The following C2orf74 variants were observed in gnomAD, a reference collection of about 807,000 sequenced individuals.
The protein encoded by C2orf74 is uncharacterized protein C2orf74.
A neutral mutation model predicts 17.9 loss-of-function variants in C2orf74; 14 were observed. That is an observed-to-expected ratio of 0.78 (90% CI 0.52 to 1.22). The LOEUF (loss-of-function observed/expected upper bound fraction) is 1.22. Ranked by LOEUF, C2orf74 falls within the 50% of genes most tolerant of loss-of-function variation. The pLI, the probability that C2orf74 is intolerant of heterozygous loss-of-function variation, is 0.00. For missense variants in C2orf74, 217 were observed against 218.4 expected (o/e 0.99, Z 0.04); for synonymous variants, 79 against 72.6 (o/e 1.09, Z -0.44).
chr2:61,158,135 C>G (rs918996008), upstream of C2orf74: 5 of 386,276 alleles, frequency 1.3e-5, no homozygotes, highest in Non-Finnish European at 2.1e-5. Flanking sequence ...GCTCCCCCAT[C>G]TTCTGGATAG....
chr2:61,152,400 G>C (rs1203270187), intron 1 of C2orf74, among the ~76,000 whole-genome samples: 1 of 151,824 alleles, frequency 6.6e-6, no homozygotes, highest in African/African-American at 2.4e-5. Context: ...AATTAGCCAG[G>C]CGTGGTGGTG....
rs567071866 is a variant in C2orf74, at chr2:61,157,166, G to A, written c.-121-5676G>A. 1.4e-4 allele frequency among the ~76,000 whole-genome samples: 22 copies of A among 152,132 alleles called. 1 individual carries two copies. The South Asian group carries it at 2.3e-3, about 16-fold the overall frequency. ...AGCGAGTCTCCTGCCTCAGCCTCCCGAGTAGCTAGGTTTACAGGCCCACGC... is the reference window on the plus strand; with the variant it reads ...AGCGAGTCTCCTGCCTCAGCCTCCCAAGTAGCTAGGTTTACAGGCCCACGC... On this transcript the variant is annotated intron_variant, in intron 1 of 3. Transcript: ENST00000426997.
At chr2:61,154,774 G>C (rs1245579240) in intron 1 of C2orf74, among the ~76,000 whole-genome samples, 1 of 152,178 alleles carries the variant, frequency 6.6e-6, no homozygotes, top group Non-Finnish European at 1.5e-5. Context: ...AACAGAAAAG[G>C]CTGGGCTAGG....
chr2:61,146,372 C>A lies in C2orf74; in HGVS notation c.-122+1176C>A, dbSNP rs566640975. Among the ~76,000 whole-genome samples the A allele has an allele frequency of 5.9e-5, 9 of 152,246 alleles. No homozygotes were observed. In the South Asian group the frequency reaches 1.9e-3, roughly 32 times the overall value. ...TCCACATAAATTCTGGCAATATACT[C>A]AAGAAACTAATAGTCATGGTTTCTT... On this transcript the variant is annotated intron_variant, in intron 1 of 3. Coordinates refer to the C2orf74 transcript ENST00000426997.
chr2:61,164,500 T>C lies in C2orf74; in HGVS notation c.537T>C (p.Tyr179=), dbSNP rs1338853082. 1.3e-6 allele frequency: 2 copies of C among 1,542,988 alleles called. No individual in the cohort carries two copies. Among genetic ancestry groups the C allele is most frequent in the African/African-American group, 2.8e-5 (2 of 72,634 alleles). Residue 179 remains tyrosine (Y), a synonymous_variant, in exon 5 of 5, where the codon TAT becomes TAC. Coordinates refer to ENST00000432605, the MANE Select transcript of C2orf74 (RefSeq NM_001143959.4). ...ATGAATACCCTACACCTCGAAGCTA[T>C]ACTCGAGAACATAAAGAGAGGAAAT... ...LGNEYPTPRS[Y]TREHKERK is the part of the protein sequence containing the mutation.
At chr2:61,156,528 C>T (rs1451810776) in intron 1 of C2orf74, among the ~76,000 whole-genome samples, 1 of 152,144 alleles carries the variant, frequency 6.6e-6, no homozygotes, top group Non-Finnish European at 1.5e-5. Flanking sequence ...GTTGTAGTCA[C>T]ATGTATATGT....
upstream of C2orf74, among the ~76,000 whole-genome samples, chr2:61,158,631 C>T (rs564975551): frequency 6.6e-6 from 1 of 152,214 alleles, no homozygotes; most frequent in East Asian, 1.9e-4. Flanking sequence ...GATGAAGGCT[C>T]AAATCTGTCT....
upstream of C2orf74, chr2:61,158,025 G>A (rs1201480484): frequency 2.1e-6 from 1 of 470,956 alleles, no homozygotes; most frequent in Non-Finnish European, 4.4e-6. Flanking sequence ...AGGCAGTAGG[G>A]CAGGACTGCT....
chr2:61,158,311 C>T (rs1026190444), upstream of C2orf74, among the ~76,000 whole-genome samples: 2 of 152,112 alleles, frequency 1.3e-5, no homozygotes, highest in East Asian at 3.9e-4. Context: ...TGAAAAATTA[C>T]AAAGACTATG....
At chr2:61,154,924 G>T (rs1023776312) in intron 1 of C2orf74, among the ~76,000 whole-genome samples, 6 of 152,004 alleles carry the variant, frequency 3.9e-5, no homozygotes, top group African/African-American at 1.4e-4. Context: ...AATTAGCTGG[G>T]TGTGGTGGTG....
chr2:61,147,927 C>A (rs1239362369), intron 1 of C2orf74, among the ~76,000 whole-genome samples: 1 of 151,446 alleles, frequency 6.6e-6, no homozygotes, highest in Non-Finnish European at 1.5e-5. Context: ...GCCACCACGC[C>A]TGGCTAATTT....
At chr2:61,164,165 T>C (rs35812145) in intron 4 of C2orf74, among the ~76,000 whole-genome samples, 189 bp from the exon 5 acceptor site, 21,421 of 152,158 alleles carry the variant, frequency 0.14, 1,979 homozygotes, top group Middle Eastern at 0.23. Context: ...TATTTGAATA[T>C]GTCAGTGTGT....
chr2:61,155,370 T>C (rs1303275323), intron 1 of C2orf74, among the ~76,000 whole-genome samples: 2 of 152,200 alleles, frequency 1.3e-5, no homozygotes, highest in East Asian at 3.8e-4. Flanking sequence ...TTATTTCTCT[T>C]TTGATTTTTT....
Position 61,162,561 on chromosome 2 carries a change from T to G in C2orf74, c.47T>G (p.Ile16Ser). ...TAITFFIILLICLICILLLLV... is the reference protein window; with the variant it reads ...TAITFFIILLSCLICILLLLV... The stretch of plus-strand genomic sequence containing the variant: ...ATCACTTTCTTCATCATCCTTCTAA[T>G]TTGCCTCATTTGCATCCTCCTCTTA... Residue 16 changes from isoleucine (I) to serine (S), a missense_variant, in exon 2 of 5, where the codon ATT becomes AGT. Transcript: ENST00000432605. The G allele has an allele frequency of 6.4e-7, 1 of 1,551,708 alleles. No homozygotes were observed. The highest frequency in any genetic ancestry group is 8.7e-7 in the Non-Finnish European group (1 of 1,146,896).
At chr2:61,155,914 T>A (rs1454089917) in intron 1 of C2orf74, among the ~76,000 whole-genome samples, 4 of 151,970 alleles carry the variant, frequency 2.6e-5, no homozygotes, top group Admixed American at 2.0e-4. Context: ...GAATTAGAAA[T>A]AAGGCTGGGC....
Position 61,162,293 on chromosome 2 carries a change from C to G in C2orf74, c.-127C>G. The G allele has an allele frequency of 1.8e-6, 1 of 569,138 alleles. No homozygotes were observed. Among genetic ancestry groups the G allele is most frequent in the East Asian group, 2.9e-5 (1 of 34,078 alleles). The allele number at this position is 569,138 out of a possible 1,614,324, so 35.3% of individuals were successfully genotyped here. On this transcript the variant is annotated 5_prime_UTR_variant, in exon 1 of 5. Transcript: ENST00000432605. ...TCCCCTCTGGCCACCTCAGCCCCCA[C>G]CACAGTTATGGAGAGAAATTAGCCA...
chr2:61,146,794 G>A (rs1685082632), intron 1 of C2orf74, among the ~76,000 whole-genome samples: 1 of 151,902 alleles, frequency 6.6e-6, no homozygotes, highest in African/African-American at 2.4e-5. Context: ...AGCCGAGATG[G>A]CGCCACTGCA....
chr2:61,147,130 C>T (rs912094300), intron 1 of C2orf74, among the ~76,000 whole-genome samples: 2 of 151,874 alleles, frequency 1.3e-5, no homozygotes, highest in African/African-American at 4.8e-5. Flanking sequence ...GATCCTGCCA[C>T]TGCACTCCAG....
At chr2:61,161,431 G>T (rs1293283121), upstream of C2orf74, among the ~76,000 whole-genome samples, 5 of 140,146 alleles carry the variant, frequency 3.6e-5, no homozygotes, top group Admixed American at 1.4e-4. Flanking sequence ...AGTGGTTTTA[G>T]CATGAAAGTG....
Sources: allele counts gnomAD v4.1 joint callset (sites outside exome capture counted in the v4.1 genomes callset), GRCh38; gene constraint gnomAD v4.1.1; transcripts MANE v1.5; gene names NCBI Gene and HGNC (gene_info 2026-07-23, HGNC 2026-07-21).